PP2D1: variants seen among roughly 807,000 people sequenced by gnomAD.
PP2D1 encodes protein phosphatase 2C like domain containing 1, also known as protein phosphatase 2C-like domain-containing protein 1.
Under a neutral mutation model 30.2 loss-of-function variants are expected in PP2D1, and 25 were observed. That is an observed-to-expected ratio of 0.83 (90% CI 0.60 to 1.16). PP2D1 has a LOEUF of 1.16. Ranked by LOEUF, PP2D1 falls within the 50% of genes most tolerant of loss-of-function variation. PP2D1 has a pLI of 0.00. For synonymous variants in PP2D1, 260 were observed against 258.9 expected, an observed-to-expected ratio of 1.00 and a Z score of -0.04; for missense variants, 760 against 742.4, an observed-to-expected ratio of 1.02 and a Z score of -0.28.
At chr3:19,997,519 T>C (rs1230197732) in intron 2 of PP2D1, among the ~76,000 whole-genome samples, 1 of 152,218 alleles carries the variant, frequency 6.6e-6, no homozygotes, top group Non-Finnish European at 1.5e-5. Context: ...CAGATCCCAC[T>C]ACTGAGTATG....
Position 20,001,223 on chromosome 3 carries a change from A to G in PP2D1, c.897T>C (p.Leu299=). ...GAACCCTGGACACTTCTTTTCTTCC[A>G]AGACCTAAAAGCCTATCCATTCTCC... is the stretch of plus-strand genomic sequence containing the variant. ...AFWRMDRLLG[L]GRKEVSRVQW... The change falls in exon 2 of 3, where the codon CTT becomes CTC. Residue 299 remains leucine, a synonymous_variant. Coordinates refer to ENST00000389050, the MANE Select transcript of PP2D1 (RefSeq NM_001252657.2). 6.5e-7 allele frequency: 1 copy of G among 1,535,512 alleles called. No individual in the cohort carries two copies. The highest frequency in any genetic ancestry group is 8.7e-7 in the Non-Finnish European group (1 of 1,146,682).
At chr3:19,986,903 G>T (rs1275223222) in intron 2 of PP2D1, among the ~76,000 whole-genome samples, 1 of 152,010 alleles carries the variant, frequency 6.6e-6, no homozygotes, top group African/African-American at 2.4e-5. Context: ...GGACGTGGTG[G>T]CCATGTTCCT....
intron 2 of PP2D1, 65 bp from the exon 3 acceptor site, chr3:19,986,247 ACTG>A: frequency 2.5e-6 from 3 of 1,180,250 alleles, no homozygotes; most frequent in Non-Finnish European, 3.4e-6. Context: ...ATCAAAATCT[ACTG>A]CTAACTTTAG....
At chr3:20,006,219 C>G (rs557940846) in intron 1 of PP2D1, among the ~76,000 whole-genome samples, 39 of 152,286 alleles carry the variant, frequency 2.6e-4, no homozygotes, top group African/African-American at 8.7e-4. Context: ...GCACTCCAGC[C>G]TGGGCGACAG....
intron 2 of PP2D1, among the ~76,000 whole-genome samples, chr3:19,993,984 G>A (rs999304554): frequency 2.6e-5 from 4 of 151,732 alleles, no homozygotes; most frequent in South Asian, 4.2e-4. Flanking sequence ...CACCCACCTC[G>A]GCCTCCCAAA....
intron 2 of PP2D1, among the ~76,000 whole-genome samples, chr3:19,988,963 G>A (rs1452002464): frequency 6.6e-6 from 1 of 151,926 alleles, no homozygotes; most frequent in African/African-American, 2.4e-5. Flanking sequence ...TCCAGCCTGG[G>A]TGACAAAGCA....
intron 1 of PP2D1, among the ~76,000 whole-genome samples, chr3:20,008,652 T>C (rs1002840400): frequency 1.3e-5 from 2 of 152,110 alleles, no homozygotes; most frequent in Non-Finnish European, 2.9e-5. Context: ...CTCAGGATGC[T>C]GACACTGGAG....
downstream of PP2D1, chr3:19,985,012 T>C (rs1697005850): frequency 5.2e-6 from 1 of 192,456 alleles, no homozygotes; most frequent in Admixed American, 5.5e-5. Flanking sequence ...GGTATTTTCA[T>C]TATATGAAAG....
At chr3:19,995,692 G>A (rs1220584726) in intron 2 of PP2D1, among the ~76,000 whole-genome samples, 4 of 152,150 alleles carry the variant, frequency 2.6e-5, no homozygotes, top group Non-Finnish European at 5.9e-5. Context: ...CAATTAGCAG[G>A]CATGGATATA....
intron 2 of PP2D1, among the ~76,000 whole-genome samples, chr3:19,997,278 TGAA>T (rs1697192599): frequency 6.6e-6 from 1 of 151,578 alleles, no homozygotes. Flanking sequence ...ACCAACAGAA[TGAA>T]GGAGAAATAC....
chr3:20,011,360 C>G (rs1697383823), intron 1 of PP2D1, among the ~76,000 whole-genome samples: 1 of 152,122 alleles, frequency 6.6e-6, no homozygotes, highest in Non-Finnish European at 1.5e-5. Context: ...TAAAGCACCG[C>G]AACAGTGTGT....
chr3:19,999,271 G>C (rs1391142749), intron 2 of PP2D1, among the ~76,000 whole-genome samples: 1 of 151,736 alleles, frequency 6.6e-6, no homozygotes, highest in Non-Finnish European at 1.5e-5. Context: ...GGAAAGACAG[G>C]GTTTCACCAG....
At chr3:20,000,976 C>A in intron 2 of PP2D1, 54 bp downstream of exon 2, 1 of 1,072,588 alleles carries the variant, frequency 9.3e-7, no homozygotes, top group Non-Finnish European at 1.2e-6. Flanking sequence ...AGGGGTTTTG[C>A]TGCAAGGAAC....
At chr3:20,002,513 C>A (rs1252013439) in intron 1 of PP2D1, among the ~76,000 whole-genome samples, 1 of 152,176 alleles carries the variant, frequency 6.6e-6, no homozygotes, top group Non-Finnish European at 1.5e-5. Flanking sequence ...CAAAAAATTC[C>A]TACTGCCTAG....
chr3:20,000,237 G>A (rs1697234545), intron 2 of PP2D1, among the ~76,000 whole-genome samples: 1 of 151,986 alleles, frequency 6.6e-6, no homozygotes, highest in Admixed American at 6.6e-5. Context: ...GAAACATTGG[G>A]TTAACAATAC....
In PP2D1 at chr3:19,985,718, A is replaced by G. The variant is rs1435100209; in HGVS notation, c.1555T>C (p.Ser519Pro). Residue 519 changes from serine to proline, a missense_variant, in exon 3 of 3, where the codon TCT becomes CCT. This residue lies in a region of PP2D1 where 369 missense variants were observed against 316.2 expected (regional missense o/e 1.17). Transcript: ENST00000389050. ...SNIHVLFQYKSVSEVRVSTTN... is the reference protein window; with the variant it reads ...SNIHVLFQYKPVSEVRVSTTN... The stretch of plus-strand genomic sequence containing the variant: ...GTTGACACACGTACTTCAGATACAG[A>G]TTTATACTGAAACAATACGTGGATA... The G allele has an allele frequency of 2.6e-6, 4 of 1,535,830 alleles. No individual in the cohort carries two copies. In the African/African-American group the frequency reaches 4.1e-5, roughly 16 times the overall value.
At chr3:20,000,993 C>T (rs994549694) in intron 2 of PP2D1, 37 bp downstream of exon 2, 34 of 1,196,304 alleles carry the variant, frequency 2.8e-5, no homozygotes, top group Non-Finnish European at 3.4e-5. Flanking sequence ...GAACCAAAAA[C>T]ATAAAGGTGT....
At chr3:19,995,787 A>G (rs1197305953) in intron 2 of PP2D1, among the ~76,000 whole-genome samples, 1 of 152,196 alleles carries the variant, frequency 6.6e-6, no homozygotes, top group African/African-American at 2.4e-5. Context: ...ACCACAATGG[A>G]ATAGAACTAG....
rs1391303720 is a variant in PP2D1 at position 20,001,112 on chromosome 3, A to G, written c.1008T>C (p.Asn336=). 7.0e-7 allele frequency: 1 copy of G among 1,427,930 alleles called. No homozygotes were observed. The highest frequency in any genetic ancestry group is 9.1e-7 in the Non-Finnish European group (1 of 1,094,358). The allele number at this position is 1,427,930 out of a possible 1,614,324, so 88.5% of individuals were successfully genotyped here. A position where few individuals can be genotyped will look rare whatever the true frequency, so the allele number is the denominator to read the frequency against. ...AGCTCTCTGCCAACCCATCATGGGTATTTTTTCTTTTCCAATTCTTATGAG... is the reference window on the plus strand; with the variant it reads ...AGCTCTCTGCCAACCCATCATGGGTGTTTTTTCTTTTCCAATTCTTATGAG... ...PYAHKNWKRK[N]THDGLAESSP... The change falls in exon 2 of 3, where the codon AAT becomes AAC. Residue 336 remains asparagine, a synonymous_variant. Transcript: ENST00000389050.
Sources: gnomAD v4.1 joint callset for allele counts (sites outside exome capture counted in the v4.1 genomes callset) on GRCh38, gnomAD v4.1.1 for gene constraint, gnomAD v4.1.1 regional missense constraint, MANE v1.5 for transcripts, NCBI Gene and HGNC (gene_info 2026-07-23, HGNC 2026-07-21) for gene names.